Variants in GREB1L observed in about 807,000 individuals in gnomAD.
GREB1L encodes GREB1 like retinoic acid receptor coactivator, also known as GREB1-like protein.
GREB1L carries 17 observed loss-of-function variants against 200.8 expected under a neutral mutation model. That is an observed-to-expected ratio of 0.08 (90% CI 0.06 to 0.13). GREB1L has a LOEUF of 0.13. Ranked by LOEUF, GREB1L falls within the 10% of genes least tolerant of loss-of-function variation. The pLI, the probability that GREB1L is intolerant of heterozygous loss-of-function variation, is 1.00. For missense variants in GREB1L, 1,657 were observed against 2,367.7 expected (o/e 0.70, Z 6.23); for synonymous variants, 789 against 893.0 (o/e 0.88, Z 2.08).
At chr18:21,330,734 G>GA (rs1007645641) in intron 1 of GREB1L, among the ~76,000 whole-genome samples, 37 of 149,538 alleles carry the variant, frequency 2.5e-4, no homozygotes, top group African/African-American at 8.3e-4. Flanking sequence ...GAATGAGTCT[G>GA]AAAAAAAAAA....
At chr18:21,396,121 T>C (rs1426000516) in intron 5 of GREB1L, among the ~76,000 whole-genome samples, 2 of 151,598 alleles carry the variant, frequency 1.3e-5, no homozygotes, top group African/African-American at 4.8e-5. Flanking sequence ...CTCGGCTCAC[T>C]GCAACCTCTG....
chr18:21,284,028 A>T (rs1005774016), intron 1 of GREB1L, among the ~76,000 whole-genome samples: 3 of 152,214 alleles, frequency 2.0e-5, no homozygotes, highest in African/African-American at 7.2e-5. Context: ...CCACTTCAGT[A>T]CCTGGACAGC....
At position 21,508,481 on chromosome 18, in the gene GREB1L, G is replaced by A; in HGVS notation, c.4625G>A (p.Ser1542Asn). The A allele has an allele frequency of 6.4e-7, 1 of 1,551,692 alleles. No individual in the cohort carries two copies. Among genetic ancestry groups the A allele is most frequent in the African/African-American group, 1.4e-5 (1 of 73,162 alleles). The change falls in exon 27 of 33, where the codon AGC becomes AAC. Residue 1542 changes from serine (S) to asparagine (N), a missense_variant. By Grantham distance (46) the Ser-to-Asn change is conservative. Coordinates refer to ENST00000424526, the MANE Select transcript of GREB1L (RefSeq NM_001142966.3). The stretch of plus-strand genomic sequence containing the variant: ...CTTTTCCACGCCATGGAGGGCATCA[G>A]CCACCTTCACCTCCTGGTGGTCAAA... ...LNLFHAMEGI[S>N]HLHLLVVKEY... is the part of the protein sequence containing the mutation.
rs891008526 is a variant in GREB1L at position 21,518,327 on chromosome 18, A to T, written c.5472+93A>T. ...ACAAAAAAGGAGCCTGTGACATGAAATATCAATCAAGATGCCAGTCTGGTC... is the reference window on the plus strand; with the variant it reads ...ACAAAAAAGGAGCCTGTGACATGAATTATCAATCAAGATGCCAGTCTGGTC... On this transcript the variant is annotated intron_variant, in intron 31 of 32. Coordinates refer to ENST00000424526, the MANE Select transcript of GREB1L (RefSeq NM_001142966.3). The T allele has an allele frequency of 4.2e-6, 5 of 1,197,428 alleles. No individual in the cohort carries two copies. The South Asian group carries it at 6.1e-5, about 15-fold the overall frequency. The allele number at this position is 1,197,428 out of a possible 1,614,324, so 74.2% of individuals were successfully genotyped here. A position where few individuals can be genotyped will look rare whatever the true frequency, so the allele number is the denominator to read the frequency against.
At chr18:21,465,295 A>C (rs757563100) in intron 15 of GREB1L, among the ~76,000 whole-genome samples, 7 of 152,240 alleles carry the variant, frequency 4.6e-5, no homozygotes, top group Non-Finnish European at 1.0e-4. Context: ...TACTTGAGTA[A>C]AATATAAAAA....
chr18:21,355,941 A>G (rs1352025631), intron 1 of GREB1L, among the ~76,000 whole-genome samples: 1 of 147,144 alleles, frequency 6.8e-6, no homozygotes, highest in Non-Finnish European at 1.5e-5. Flanking sequence ...GTTGTTTCTA[A>G]TTTTGTATGA....
chr18:21,252,960 T>C (rs949632745), intron 1 of GREB1L, among the ~76,000 whole-genome samples: 7 of 152,366 alleles, frequency 4.6e-5, no homozygotes, highest in Non-Finnish European at 1.0e-4. Context: ...TTTTATTTTA[T>C]TTCAGTCTTA....
At chr18:21,506,404 A>G (rs545349196) in intron 25 of GREB1L, among the ~76,000 whole-genome samples, 24 of 152,272 alleles carry the variant, frequency 1.6e-4, no homozygotes, top group Admixed American at 4.6e-4. Flanking sequence ...CAAAAAAAAA[A>G]AAAGCACAAT....
At chr18:21,481,264 G>A (rs9950156) in intron 17 of GREB1L, among the ~76,000 whole-genome samples, 3,372 of 152,140 alleles carry the variant, frequency 0.022, 143 homozygotes, top group African/African-American at 0.077. Flanking sequence ...ACTCCTGGCA[G>A]CAGACAGTGT....
chr18:21,360,354 G>A (rs758127715), intron 1 of GREB1L, among the ~76,000 whole-genome samples: 2 of 152,118 alleles, frequency 1.3e-5, no homozygotes, highest in Non-Finnish European at 2.9e-5. Flanking sequence ...AAGTAGCTGG[G>A]AGTACAGGTG....
chr18:21,439,094 GTAAGGGTATAGA>G (rs1249924546), intron 7 of GREB1L, among the ~76,000 whole-genome samples: 2 of 152,074 alleles, frequency 1.3e-5, no homozygotes, highest in Admixed American at 6.6e-5. Flanking sequence ...GGGGACGGAG[GTAAGGGTATAGA>G]TAAAGCAAGA....
At chr18:21,488,047 G>A (rs2036193981) in intron 18 of GREB1L, among the ~76,000 whole-genome samples, 1 of 151,420 alleles carries the variant, frequency 6.6e-6, no homozygotes, top group Admixed American at 6.6e-5. Context: ...GCTTACACCT[G>A]TAATCCCAGC....
intron 1 of GREB1L, among the ~76,000 whole-genome samples, chr18:21,304,295 A>T (rs2038665080): frequency 6.6e-6 from 1 of 151,936 alleles, no homozygotes; most frequent in Admixed American, 6.6e-5. Flanking sequence ...ATTGTCAGTC[A>T]TACAGTCTTT....
At chr18:21,487,955 G>A (rs1202791417) in intron 18 of GREB1L, among the ~76,000 whole-genome samples, 1 of 151,784 alleles carries the variant, frequency 6.6e-6, no homozygotes. Context: ...AGGTTGCAGT[G>A]AGCTGAGATT....
intron 1 of GREB1L, among the ~76,000 whole-genome samples, chr18:21,300,366 A>G (rs2038598228): frequency 6.6e-6 from 1 of 152,212 alleles, no homozygotes; most frequent in Non-Finnish European, 1.5e-5. Flanking sequence ...TGTGGTGTAA[A>G]TCCATCATAA....
At chr18:21,517,744 C>T (rs2037469400) in intron 30 of GREB1L, among the ~76,000 whole-genome samples, 3 of 152,166 alleles carry the variant, frequency 2.0e-5, no homozygotes, top group South Asian at 2.1e-4. Flanking sequence ...CCCACACACA[C>T]TGTAAAAGGC....
chr18:21,278,257 G>A (rs2038203084), intron 1 of GREB1L, among the ~76,000 whole-genome samples: 1 of 151,724 alleles, frequency 6.6e-6, no homozygotes, highest in African/African-American at 2.4e-5. Context: ...GCAGGCGTCT[G>A]TAATCCCAGC....
chr18:21,389,956 T>C (rs2040725942), intron 4 of GREB1L, among the ~76,000 whole-genome samples: 1 of 152,188 alleles, frequency 6.6e-6, no homozygotes, highest in Non-Finnish European at 1.5e-5. Context: ...AGGAGAGCTC[T>C]CCATCAGACT....
In GREB1L at chr18:21,440,395, T is replaced by C. The variant is rs1427313340; in HGVS notation, c.1069+7T>C. On this transcript the variant is annotated splice_region_variant and intron_variant, in intron 9 of 32. Coordinates refer to ENST00000424526, the MANE Select transcript of GREB1L (RefSeq NM_001142966.3). ...CGCCCTCTTTCAAGAACGGGTAAGA[T>C]TTTAACAGAAGATGGATTGTAAGTG... is the stretch of plus-strand genomic sequence containing the variant. 1 of 1,550,612 alleles carries C rather than the reference T, an allele frequency of 6.4e-7. No homozygotes were observed. The highest frequency in any genetic ancestry group is 8.7e-7 in the Non-Finnish European group (1 of 1,146,186).
Sources: gnomAD v4.1 joint callset for allele counts (sites outside exome capture counted in the v4.1 genomes callset) on GRCh38, gnomAD v4.1.1 for gene constraint, MANE v1.5 for transcripts, NCBI Gene and HGNC (gene_info 2026-07-23, HGNC 2026-07-21) for gene names.